The following MEI4 variants were observed in gnomAD, a reference collection of about 807,000 sequenced individuals.
MEI4 encodes meiotic double-stranded break formation protein 4.
MEI4 carries 27 observed loss-of-function variants against 31.4 expected under a neutral mutation model. That is an observed-to-expected ratio of 0.86 (90% CI 0.63 to 1.19). The LOEUF (loss-of-function observed/expected upper bound fraction) is 1.19. Among genes scored for constraint, MEI4 ranks in the 50% most tolerant of loss-of-function variants. The pLI is 0.00. For synonymous variants in MEI4, 122 were observed against 145.4 expected, an observed-to-expected ratio of 0.84 and a Z score of 1.16; for missense variants, 329 against 398.9, an observed-to-expected ratio of 0.82 and a Z score of 1.49.
chr6:77,803,876 G>T (rs1174866125), intron 3 of MEI4, among the ~76,000 whole-genome samples: 4 of 152,176 alleles, frequency 2.6e-5, no homozygotes, highest in African/African-American at 9.7e-5. Flanking sequence ...TTGTCAGTCT[G>T]CCCCTACTGG....
chr6:77,683,023 T>C (rs1768986263), intron 1 of MEI4, among the ~76,000 whole-genome samples: 1 of 152,160 alleles, frequency 6.6e-6, no homozygotes, highest in South Asian at 2.1e-4. Context: ...TGAAGTTATG[T>C]TTAATGTGCA....
intron 3 of MEI4, among the ~76,000 whole-genome samples, chr6:77,772,783 A>G (rs186800555): frequency 8.5e-5 from 13 of 152,142 alleles, no homozygotes; most frequent in African/African-American, 2.9e-4. Context: ...TGTAGATGAT[A>G]TCATTTATTT....
intron 4 of MEI4, among the ~76,000 whole-genome samples, chr6:77,918,278 A>G (rs1335182861): frequency 6.7e-6 from 1 of 150,156 alleles, no homozygotes; most frequent in African/African-American, 2.5e-5. Flanking sequence ...TATGAACTTT[A>G]AAGTAGTTTT....
At chr6:77,703,991 C>G (rs1161325846) in intron 2 of MEI4, among the ~76,000 whole-genome samples, 1 of 151,870 alleles carries the variant, frequency 6.6e-6, no homozygotes, top group African/African-American at 2.4e-5. Flanking sequence ...TGAGAAGGAA[C>G]CAGCAGAGAG....
intron 4 of MEI4, among the ~76,000 whole-genome samples, chr6:77,896,126 G>T (rs1437025654): frequency 6.6e-6 from 1 of 151,874 alleles, no homozygotes; most frequent in Non-Finnish European, 1.5e-5. Flanking sequence ...AAGTAGTGCA[G>T]CTGCAAGGTA....
chr6:77,782,896 A>G lies in MEI4; in HGVS notation c.768+21231A>G, dbSNP rs139467339. On this transcript the variant is annotated intron_variant, in intron 3 of 4. Coordinates refer to ENST00000684080, the MANE Select transcript of MEI4 (RefSeq NM_001322247.2). ...TAGAGTAGCCTATGACTGAGTAAGT[A>G]TAGCACTACAGTAATTGGCAACCAT... 1.4e-3 allele frequency among the ~76,000 whole-genome samples: 213 copies of G among 152,348 alleles called. 1 individual carries two copies. The highest frequency in any genetic ancestry group is 4.5e-3 in the African/African-American group (187 of 41,590).
At chr6:77,922,884 A>C (rs988980123) in intron 4 of MEI4, among the ~76,000 whole-genome samples, 1 of 151,754 alleles carries the variant, frequency 6.6e-6, no homozygotes, top group Non-Finnish European at 1.5e-5. Flanking sequence ...AACAGCAAGA[A>C]AGAAAAGTCA....
chr6:77,796,082 G>A (rs545889739), intron 3 of MEI4, among the ~76,000 whole-genome samples: 1 of 152,124 alleles, frequency 6.6e-6, no homozygotes, highest in Non-Finnish European at 1.5e-5. Flanking sequence ...TCACAGGGGT[G>A]AAAGTATGAT....
chr6:77,695,583 G>A (rs1249585209), intron 2 of MEI4, among the ~76,000 whole-genome samples: 1 of 152,128 alleles, frequency 6.6e-6, no homozygotes, highest in Non-Finnish European at 1.5e-5. Flanking sequence ...TAGATATGTG[G>A]CATTATTTTT....
chr6:77,782,455 C>T (rs1193066692), intron 3 of MEI4, among the ~76,000 whole-genome samples: 3 of 152,122 alleles, frequency 2.0e-5, no homozygotes, highest in African/African-American at 7.2e-5. Context: ...TTCATTTACT[C>T]AGTTTTGCCT....
chr6:77,666,347 T>C (rs1046122767), intron 1 of MEI4, among the ~76,000 whole-genome samples: 22 of 152,262 alleles, frequency 1.4e-4, no homozygotes, highest in South Asian at 6.2e-4. Context: ...TGTTTTTACT[T>C]CTTTTGTGGA....
At chr6:77,788,906 T>C (rs1479004597) in intron 3 of MEI4, among the ~76,000 whole-genome samples, 2 of 152,158 alleles carry the variant, frequency 1.3e-5, no homozygotes, top group Non-Finnish European at 2.9e-5. Flanking sequence ...AAAACTACTT[T>C]AAAGTTCATA....
At chr6:77,876,973 G>T (rs1314761155) in intron 4 of MEI4, among the ~76,000 whole-genome samples, 1 of 152,086 alleles carries the variant, frequency 6.6e-6, no homozygotes, top group East Asian at 1.9e-4. Context: ...TTAGGTTCAT[G>T]CCCATTAATA....
chr6:77,668,368 GTTAGGTA>G (rs1768677024), intron 1 of MEI4, among the ~76,000 whole-genome samples: 1 of 152,154 alleles, frequency 6.6e-6, no homozygotes, highest in Admixed American at 6.5e-5. Context: ...AGAGCTGATT[GTTAGGTA>G]TTAAATTTTC....
At chr6:77,743,812 A>G (rs1383738786) in intron 2 of MEI4, among the ~76,000 whole-genome samples, 1 of 152,188 alleles carries the variant, frequency 6.6e-6, no homozygotes, top group Non-Finnish European at 1.5e-5. Context: ...GTGGTTCACA[A>G]AAATCTGCTG....
intron 3 of MEI4, among the ~76,000 whole-genome samples, chr6:77,789,953 C>G (rs1429893110): frequency 1.3e-5 from 2 of 152,056 alleles, no homozygotes. Context: ...GACACATGCA[C>G]ACGTATGTTT....
chr6:77,680,790 A>G (rs1768942492), intron 1 of MEI4, among the ~76,000 whole-genome samples: 1 of 152,200 alleles, frequency 6.6e-6, no homozygotes, highest in Admixed American at 6.5e-5. Context: ...AGAAGAAGCC[A>G]TGACACACTG....
In MEI4 at chr6:77,665,130, C is replaced by T. The variant is rs540581374; in HGVS notation, c.-15+12038C>T. Reference sequence around the variant, plus strand: ...GGGTTGGGGCGCAGAGATAAGAGGTCGGGGCATGGAAATAAGGGATGGGGT... The same window carrying T: ...GGGTTGGGGCGCAGAGATAAGAGGTTGGGGCATGGAAATAAGGGATGGGGT... On this transcript the variant is annotated intron_variant, in intron 1 of 4. Coordinates refer to ENST00000684080, the MANE Select transcript of MEI4 (RefSeq NM_001322247.2). 6.7e-5 allele frequency among the ~76,000 whole-genome samples: 10 copies of T among 148,616 alleles called. No individual in the cohort carries two copies. The South Asian group carries it at 1.5e-3, about 22-fold the overall frequency.
rs1316340068 is a variant in MEI4 at position 77,799,313 on chromosome 6, G to A, written c.769-29618G>A. Reference sequence around the variant, plus strand: ...CTTCTTTTGAGAAGTGTCTGTTCATGTCCTTCACCCACTTTTTGATGGGGT... The same window carrying A: ...CTTCTTTTGAGAAGTGTCTGTTCATATCCTTCACCCACTTTTTGATGGGGT... On this transcript the variant is annotated intron_variant, in intron 3 of 4. Coordinates refer to ENST00000684080, the MANE Select transcript of MEI4 (RefSeq NM_001322247.2). Among the ~76,000 whole-genome samples the A allele has an allele frequency of 5.9e-5, 9 of 152,214 alleles. No individual in the cohort carries two copies. The East Asian group carries it at 1.7e-3, about 29-fold the overall frequency.
Sources: gnomAD v4.1 joint callset for allele counts (sites outside exome capture counted in the v4.1 genomes callset) on GRCh38, gnomAD v4.1.1 for gene constraint, MANE v1.5 for transcripts, NCBI Gene and HGNC (gene_info 2026-07-23, HGNC 2026-07-21) for gene names.